Variants in CHD9 observed in about 807,000 individuals in gnomAD.
CHD9 encodes ATP-dependent chromatin remodeler CHD9.
A neutral mutation model predicts 316.1 loss-of-function variants in CHD9; 77 were observed. The ratio of observed to expected loss-of-function variants is 0.24; its 90% CI spans 0.20 to 0.29. The LOEUF (loss-of-function observed/expected upper bound fraction) is 0.29, where lower values mean the gene tolerates loss of function less well. Ranked by LOEUF, CHD9 falls within the 10% of genes least tolerant of loss-of-function variation. The pLI is 1.00. For synonymous variants in CHD9, 1,129 were observed against 1,158.3 expected (o/e 0.97, Z 0.51); for missense variants, 2,763 against 3,438.1 (o/e 0.80, Z 4.91).
chr16:53,269,523 A>G (rs1156283223), intron 22 of CHD9, among the ~76,000 whole-genome samples: 1 of 152,210 alleles, frequency 6.6e-6, no homozygotes, highest in African/African-American at 2.4e-5. Flanking sequence ...GGAAAACAAC[A>G]GAAAGCACCC....
chr16:53,274,409 G>T (rs185534098), intron 24 of CHD9, 107 bp downstream of exon 24: 6 of 556,122 alleles, frequency 1.1e-5, no homozygotes, highest in Non-Finnish European at 1.9e-5. Flanking sequence ...TGAGAGGCTC[G>T]CACTGTAGGC....
intron 1 of CHD9, among the ~76,000 whole-genome samples, chr16:53,055,321 C>G (rs2152486013): frequency 6.6e-6 from 1 of 152,256 alleles, no homozygotes; most frequent in Middle Eastern, 3.4e-3. Context: ...AGAGCATGCC[C>G]GAATCCCCAA....
At chr16:53,124,212 T>G (rs775842651) in intron 1 of CHD9, among the ~76,000 whole-genome samples, 2 of 152,204 alleles carry the variant, frequency 1.3e-5, no homozygotes, top group Non-Finnish European at 2.9e-5. Context: ...TCGAGGGTTC[T>G]ACTTTCTCTG....
intron 2 of CHD9, among the ~76,000 whole-genome samples, chr16:53,189,098 T>C (rs921517385): frequency 2.6e-5 from 4 of 152,124 alleles, no homozygotes; most frequent in Non-Finnish European, 4.4e-5. Flanking sequence ...AGCTTCCAAA[T>C]ATAAAGATTA....
intron 1 of CHD9, among the ~76,000 whole-genome samples, chr16:53,104,102 A>G (rs1288389564): frequency 6.6e-6 from 1 of 152,094 alleles, no homozygotes; most frequent in Non-Finnish European, 1.5e-5. Flanking sequence ...GGCCAGGGGA[A>G]TTTTTCTAAA....
intron 1 of CHD9, among the ~76,000 whole-genome samples, chr16:53,146,409 G>A (rs1164472449): frequency 1.1e-4 from 3 of 26,422 alleles, no homozygotes; most frequent in Non-Finnish European, 1.3e-4. Context: ...AAAATTGTGT[G>A]TGTGTGTATG....
At chr16:53,206,356 C>T (rs969317753) in intron 2 of CHD9, among the ~76,000 whole-genome samples, 15 of 126,956 alleles carry the variant, frequency 1.2e-4, no homozygotes, top group African/African-American at 4.0e-4. Flanking sequence ...GAAAGGGCAC[C>T]GGGAAAAAAA....
chr16:53,139,236 A>C (rs1360043859), intron 1 of CHD9, among the ~76,000 whole-genome samples: 2 of 152,166 alleles, frequency 1.3e-5, no homozygotes, highest in African/African-American at 2.4e-5. Flanking sequence ...TTAGGAGTGA[A>C]GGCTTGAGGG....
chr16:53,190,798 A>T (rs1238135568), intron 2 of CHD9, among the ~76,000 whole-genome samples: 1 of 152,142 alleles, frequency 6.6e-6, no homozygotes, highest in Non-Finnish European at 1.5e-5. Flanking sequence ...CATAAATTAT[A>T]GAAATTAGTA....
chr16:53,262,197 G>A (rs2051205445), intron 19 of CHD9, among the ~76,000 whole-genome samples: 1 of 151,998 alleles, frequency 6.6e-6, no homozygotes, highest in South Asian at 2.1e-4. Context: ...AACACATTGT[G>A]TATCTTCAAT....
intron 27 of CHD9, among the ~76,000 whole-genome samples, chr16:53,288,987 G>A (rs370757304): frequency 4.6e-5 from 7 of 151,626 alleles, no homozygotes; most frequent in African/African-American, 1.7e-4. Flanking sequence ...CACGAGTCCC[G>A]AAGATGAAGC....
At chr16:53,318,389 G>A (rs1258545708) in intron 37 of CHD9, 49 bp downstream of exon 37, 2 of 1,423,962 alleles carry the variant, frequency 1.4e-6, no homozygotes, top group Admixed American at 2.1e-5. Flanking sequence ...CAATATTTAA[G>A]AGATCTCCAG....
intron 1 of CHD9, chr16:53,121,283 C>A (rs1304456409): frequency 1.1e-5 from 5 of 453,402 alleles, no homozygotes; most frequent in Non-Finnish European, 1.8e-5. Flanking sequence ...CTTTTGATCT[C>A]TCCAAACTTG....
At chr16:53,093,747 C>T (rs187202391) in intron 1 of CHD9, among the ~76,000 whole-genome samples, 2 of 152,288 alleles carry the variant, frequency 1.3e-5, no homozygotes, top group Admixed American at 1.3e-4. Context: ...ACAGAGATAG[C>T]TAGAAAGTGG....
At chr16:53,093,044 G>T (rs768990562) in intron 1 of CHD9, among the ~76,000 whole-genome samples, 1 of 152,192 alleles carries the variant, frequency 6.6e-6, no homozygotes. Context: ...CTCCCAAAGT[G>T]TTGGGATTAC....
intron 2 of CHD9, among the ~76,000 whole-genome samples, chr16:53,165,274 G>A (rs2042196515): frequency 6.6e-6 from 1 of 152,038 alleles, no homozygotes; most frequent in Admixed American, 6.6e-5. Flanking sequence ...TTTATTATAG[G>A]ATATAACATT....
At chr16:53,207,290 G>T (rs926668451) in intron 2 of CHD9, among the ~76,000 whole-genome samples, 1 of 152,202 alleles carries the variant, frequency 6.6e-6, no homozygotes, top group Admixed American at 6.5e-5. Flanking sequence ...TCAAATTCAA[G>T]TTGACTTGCT....
At chr16:53,224,235 A>G (rs930867240) in intron 4 of CHD9, among the ~76,000 whole-genome samples, 1 of 152,190 alleles carries the variant, frequency 6.6e-6, no homozygotes, top group Non-Finnish European at 1.5e-5. Flanking sequence ...AAAAAACATT[A>G]TGGAAAAAGA....
intron 29 of CHD9, among the ~76,000 whole-genome samples, chr16:53,293,749 G>A (rs757427169): frequency 2.0e-5 from 3 of 151,974 alleles, no homozygotes; most frequent in African/African-American, 7.3e-5. Flanking sequence ...CCAGGAGTTC[G>A]AGACCAGCCT....
Sources: gnomAD v4.1 joint callset for allele counts (sites outside exome capture counted in the v4.1 genomes callset) on GRCh38, gnomAD v4.1.1 for gene constraint, MANE v1.5 for transcripts, NCBI Gene and HGNC (gene_info 2026-07-23, HGNC 2026-07-21) for gene names.